The following MEF2D variants were observed in gnomAD, a reference collection of about 807,000 sequenced individuals.
The protein encoded by MEF2D is myocyte enhancer factor 2D, also known as myocyte-specific enhancer factor 2D.
MEF2D carries 10 observed loss-of-function variants against 59.3 expected under a neutral mutation model. That is an observed-to-expected ratio of 0.17 (90% CI 0.10 to 0.29). MEF2D has a LOEUF of 0.29. MEF2D is among the 10% of genes least tolerant of loss of function. The probability of loss-of-function intolerance (pLI) is 1.00; values close to 1 mark genes in which losing one functional copy is unlikely to be tolerated. For missense variants in MEF2D, 508 were observed against 699.4 expected, an observed-to-expected ratio of 0.73 and a Z score of 3.09; for synonymous variants, 305 against 295.0, an observed-to-expected ratio of 1.03 and a Z score of -0.35.
chr1:156,473,798 CCTTCTTCCCT>C (rs916030833), intron 9 of MEF2D, among the ~76,000 whole-genome samples: 12 of 152,282 alleles, frequency 7.9e-5, no homozygotes, highest in Admixed American at 7.2e-4. Context: ...CCCTCTCTAA[CCTTCTTCCCT>C]CTTCTTCCTT....
At chr1:156,476,424 T>G in intron 8 of MEF2D, 70 bp downstream of exon 8, 1 of 1,560,460 alleles carries the variant, frequency 6.4e-7, no homozygotes, top group East Asian at 2.3e-5. Flanking sequence ...CACACGTACT[T>G]CATGCTGGGG....
chr1:156,491,283 T>C (rs1254103891), intron 1 of MEF2D, among the ~76,000 whole-genome samples: 2 of 152,340 alleles, frequency 1.3e-5, no homozygotes, highest in East Asian at 3.9e-4. Flanking sequence ...TATGGGTAGC[T>C]GGGTGGACTA....
intron 9 of MEF2D, among the ~76,000 whole-genome samples, chr1:156,471,622 G>C (rs1165107121): frequency 1.3e-5 from 2 of 152,202 alleles, no homozygotes; most frequent in Non-Finnish European, 2.9e-5. Flanking sequence ...AGGCCACCTG[G>C]CAGCCTACTG....
intron 1 of MEF2D, among the ~76,000 whole-genome samples, chr1:156,495,951 G>C (rs1459835427): frequency 1.3e-5 from 2 of 152,226 alleles, no homozygotes; most frequent in Non-Finnish European, 2.9e-5. Context: ...CGACAGGCCA[G>C]AGCTTCGGAC....
chr1:156,487,535 G>A (rs767959684), intron 1 of MEF2D, among the ~76,000 whole-genome samples: 2 of 152,188 alleles, frequency 1.3e-5, no homozygotes, highest in East Asian at 1.9e-4. Context: ...TTGCTGCAGG[G>A]TCTTTGAAAG....
chr1:156,477,229 A>G, intron 6 of MEF2D, 27 bp from the exon 7 acceptor site: 2 of 1,560,254 alleles, frequency 1.3e-6, no homozygotes, highest in Non-Finnish European at 8.7e-7. Context: ...AAGAGGGTAA[A>G]AGGAAAAACA....
chr1:156,495,329 A>G (rs1673067568), intron 1 of MEF2D, among the ~76,000 whole-genome samples: 1 of 152,142 alleles, frequency 6.6e-6, no homozygotes, highest in Non-Finnish European at 1.5e-5. Context: ...TAACTAGGAA[A>G]GCTTAAAAGT....
intron 1 of MEF2D, among the ~76,000 whole-genome samples, chr1:156,495,512 GT>G (rs1673077219): frequency 1.3e-5 from 2 of 152,074 alleles, no homozygotes; most frequent in South Asian, 4.2e-4. Flanking sequence ...GATCTCAAAA[GT>G]TTTGGTTTTT....
At chr1:156,482,336 G>C (rs1182467657) in intron 3 of MEF2D, 101 bp downstream of exon 3, 7 of 1,204,148 alleles carry the variant, frequency 5.8e-6, no homozygotes, top group Non-Finnish European at 8.5e-6. Flanking sequence ...ATGTATACCA[G>C]TGTGTGTGCA....
chr1:156,482,312 G>T (rs1199778661), intron 3 of MEF2D, 125 bp downstream of exon 3: 7 of 972,982 alleles, frequency 7.2e-6, no homozygotes, highest in Non-Finnish European at 9.5e-6. Context: ...CACAGGTGAG[G>T]GGCTACAAGG....
intron 3 of MEF2D, among the ~76,000 whole-genome samples, chr1:156,481,472 C>T (rs1171557): frequency 0.2 from 31,030 of 151,920 alleles, 3,540 homozygotes; most frequent in Admixed American, 0.27. Flanking sequence ...ACAGAGAGAG[C>T]GGGGAATGGG....
chr1:156,481,154 G>C (rs1671988948), intron 3 of MEF2D, among the ~76,000 whole-genome samples, 183 bp from the exon 4 acceptor site: 1 of 152,234 alleles, frequency 6.6e-6, no homozygotes, highest in Admixed American at 6.5e-5. Context: ...AAGATCTGAA[G>C]ATGGGCTTGG....
intron 1 of MEF2D, among the ~76,000 whole-genome samples, chr1:156,489,001 G>A (rs1404956513): frequency 6.6e-6 from 1 of 152,172 alleles, no homozygotes; most frequent in African/African-American, 2.4e-5. Context: ...AGAAACTACA[G>A]GGCATCTGCT....
chr1:156,470,246 C>T (rs1326945713), intron 9 of MEF2D, among the ~76,000 whole-genome samples: 2 of 152,042 alleles, frequency 1.3e-5, no homozygotes, highest in Non-Finnish European at 2.9e-5. Context: ...ATGGTGAAAC[C>T]CCATCTCTAT....
At chr1:156,498,451 T>A (rs10908505) in intron 1 of MEF2D, among the ~76,000 whole-genome samples, 75,737 of 152,060 alleles carry the variant, frequency 0.5, 23,185 homozygotes, top group East Asian at 0.73. Flanking sequence ...ATGTCTCCCT[T>A]CCCAGAATCC....
chr1:156,481,575 G>A (rs1034673272), intron 3 of MEF2D, among the ~76,000 whole-genome samples: 1 of 152,240 alleles, frequency 6.6e-6, no homozygotes, highest in Non-Finnish European at 1.5e-5. Flanking sequence ...ATCTGCAGTA[G>A]ACCCCAAAGC....
rs1296890669 is a variant in MEF2D at position 156,464,444 on chromosome 1, G to C, written c.*3201C>G. ...GGGGAGAATGGTGTGTTCCACTGAG[G>C]TGGTGGGGGGGGGTGTCCTCTTGCC... On this transcript the variant is annotated 3_prime_UTR_variant, in exon 12 of 12. Coordinates refer to ENST00000348159, the MANE Select transcript of MEF2D (RefSeq NM_005920.4). 1 of 143,484 alleles carries C rather than the reference G, an allele frequency of 7.0e-6. No individual in the cohort carries two copies. Among genetic ancestry groups the C allele is most frequent in the Non-Finnish European group, 1.5e-5 (1 of 65,804 alleles). The allele number at this position is 143,484 out of a possible 1,614,324, so 8.9% of individuals were successfully genotyped here.
At chr1:156,494,767 C>G (rs1673031930) in intron 1 of MEF2D, among the ~76,000 whole-genome samples, 1 of 152,226 alleles carries the variant, frequency 6.6e-6, no homozygotes, top group African/African-American at 2.4e-5. Context: ...TATGGAAACT[C>G]ACACAGAGAT....
At chr1:156,480,588 G>A in intron 4 of MEF2D, 1 of 1,498,374 alleles carries the variant, frequency 6.7e-7, no homozygotes, top group Non-Finnish European at 8.9e-7. Context: ...CGAGAGCCAG[G>A]GCGCGAAGCC....
Sources: gnomAD v4.1 joint callset for allele counts (sites outside exome capture counted in the v4.1 genomes callset) on GRCh38, gnomAD v4.1.1 for gene constraint, MANE v1.5 for transcripts, NCBI Gene and HGNC (gene_info 2026-07-23, HGNC 2026-07-21) for gene names.